The following MED29 variants were observed in gnomAD, a reference collection of about 807,000 sequenced individuals.
MED29 encodes mediator of RNA polymerase II transcription subunit 29.
Under a neutral mutation model 22.0 loss-of-function variants are expected in MED29, and 14 were observed. The observed-to-expected ratio is 0.64, with a 90% CI of 0.42 to 0.99. The LOEUF (loss-of-function observed/expected upper bound fraction) is 0.99. Ranked by LOEUF, MED29 falls within the 50% of genes least tolerant of loss-of-function variation. The probability of loss-of-function intolerance (pLI) is 0.00; values close to 1 mark genes in which losing one functional copy is unlikely to be tolerated. For synonymous variants in MED29, 123 were observed against 107.8 expected, an observed-to-expected ratio of 1.14 and a Z score of -0.87; for missense variants, 241 against 253.7, an observed-to-expected ratio of 0.95 and a Z score of 0.34.
chr19:39,393,668 C>T (rs1568378490), intron 3 of MED29, 31 bp downstream of exon 3: 1 of 1,563,064 alleles, frequency 6.4e-7, no homozygotes, highest in South Asian at 1.1e-5. Context: ...GGGGTAACAA[C>T]AGCCGTGTCC....
intron 1 of MED29, among the ~76,000 whole-genome samples, chr19:39,392,192 C>A (rs1006999335): frequency 3.3e-5 from 5 of 152,110 alleles, no homozygotes; most frequent in African/African-American, 1.2e-4. Flanking sequence ...GAGGAGAGTA[C>A]TGGCTTATAC....
At position 39,399,250 on chromosome 19, in the gene MED29, T is replaced by G. The variant is rs1464659559; in HGVS notation, c.*1551T>G. The G allele has an allele frequency of 3.3e-5, 5 of 152,174 alleles. No individual in the cohort carries two copies. In the East Asian group the frequency reaches 9.6e-4, roughly 29 times the overall value. 9.4% of individuals were successfully genotyped at this position (152,174 alleles called of 1,614,324 possible). A position where few individuals can be genotyped will look rare whatever the true frequency, so the allele number is the denominator to read the frequency against. ...CCAAGTTGACACATAAAACTGACCA[T>G]CGGGCCGGGGGCGGTGGCTCACGCC... On this transcript the variant is annotated 3_prime_UTR_variant, in exon 4 of 4. Coordinates refer to ENST00000315588, the MANE Select transcript of MED29 (RefSeq NM_017592.4).
rs773621168 is a variant in MED29, at chr19:39,397,524, C to T, written c.428C>T (p.Thr143Ile). 3 of 1,612,696 alleles carry T rather than the reference C, an allele frequency of 1.9e-6. No homozygotes were observed. Among genetic ancestry groups the T allele is most frequent in the East Asian group, 2.2e-5 (1 of 44,878 alleles). Residue 143 changes from threonine (T) to isoleucine (I), a missense_variant, in exon 4 of 4, where the codon ACA (threonine) becomes ATA (isoleucine). Physicochemically the swap from Thr to Ile is moderately conservative, Grantham distance 89. Coordinates refer to ENST00000315588, the MANE Select transcript of MED29 (RefSeq NM_017592.4). The part of the protein sequence containing the change: ...SAKHSPTLVP[T>I]ATKPDAVQPD... ...AAGCACTCTCCAACGTTGGTGCCCA[C>T]AGCCACCAAGCCCGACGCAGTGCAG...
rs1417051498 is a variant in MED29, at chr19:39,399,165, A to C, written c.*1466A>C. On this transcript the variant is annotated 3_prime_UTR_variant, in exon 4 of 4. Coordinates refer to ENST00000315588, the MANE Select transcript of MED29 (RefSeq NM_017592.4). ...CTGATTATGGACTTTAATCACATCTACAAAACACTTCCATGGCGACAGCTA... is the reference window on the plus strand; with the variant it reads ...CTGATTATGGACTTTAATCACATCTCCAAAACACTTCCATGGCGACAGCTA... 6.6e-6 allele frequency: 1 copy of C among 152,256 alleles called. No individual in the cohort carries two copies. The highest frequency in any genetic ancestry group is 1.9e-4 in the East Asian group (1 of 5,204). The allele number at this position is 152,256 out of a possible 1,614,324, so 9.4% of individuals were successfully genotyped here. A position where few individuals can be genotyped will look rare whatever the true frequency, so the allele number is the denominator to read the frequency against.
chr19:39,391,390 C>T lies in MED29; in HGVS notation c.-33C>T, dbSNP rs754293893. 5 of 1,606,502 alleles carry T rather than the reference C, an allele frequency of 3.1e-6. No homozygotes were observed. The highest frequency in any genetic ancestry group is 3.4e-6 in the Non-Finnish European group (4 of 1,174,048). On this transcript the variant is annotated 5_prime_UTR_variant, in exon 1 of 4. Transcript: ENST00000315588. ...GAAAAGCAACGGGGAGAGACGCAGTCGTAACGCACTTCCGGCGGTCTACGC... is the reference window on the plus strand; with the variant it reads ...GAAAAGCAACGGGGAGAGACGCAGTTGTAACGCACTTCCGGCGGTCTACGC...
At chr19:39,394,014 A>G (rs146813877) in intron 3 of MED29, among the ~76,000 whole-genome samples, 2 of 152,258 alleles carry the variant, frequency 1.3e-5, no homozygotes, top group East Asian at 3.9e-4. Flanking sequence ...GGCTACTGCT[A>G]GACAGCACAT....
chr19:39,393,734 C>T, intron 3 of MED29, 97 bp downstream of exon 3: 1 of 1,032,748 alleles, frequency 9.7e-7, no homozygotes, highest in Non-Finnish European at 1.5e-6. Flanking sequence ...CAACTGGGGA[C>T]CTCCTGTGGG....
chr19:39,393,538 T>A lies in MED29; in HGVS notation c.276-15T>A, dbSNP rs149645937. On this transcript the variant is annotated splice_polypyrimidine_tract_variant and intron_variant, in intron 2 of 3. Transcript: ENST00000315588. ...GAAATCAATTCTTCAGACATCCTTT[T>A]TTCCTTGTCTGTAGAAAGAGCAGTG... The A allele has an allele frequency of 6.2e-7, 1 of 1,612,120 alleles. No homozygotes were observed. Among genetic ancestry groups the A allele is most frequent in the African/African-American group, 1.3e-5 (1 of 74,916 alleles).
intron 2 of MED29, chr19:39,392,931 G>C (rs968181292): frequency 5.9e-6 from 1 of 170,848 alleles, no homozygotes; most frequent in Non-Finnish European, 1.2e-5. Context: ...TTGTTGTTTT[G>C]TAGAGACAGG....
At chr19:39,395,866 G>A (rs1224731220) in intron 3 of MED29, among the ~76,000 whole-genome samples, 2 of 151,694 alleles carry the variant, frequency 1.3e-5, no homozygotes, top group East Asian at 1.9e-4. Flanking sequence ...GCAGTGAGCC[G>A]AGATCGCACC....
chr19:39,397,512 C>A lies in MED29; in HGVS notation c.416C>A (p.Thr139Lys). Residue 139 changes from threonine to lysine, a missense_variant, in exon 4 of 4, where the codon ACG becomes AAG. Physicochemically the swap from Thr to Lys is moderately conservative, Grantham distance 78. Transcript: ENST00000315588. ...QSCDSAKHSP[T>K]LVPTATKPDA... ...TGTGACAGTGCCAAGCACTCTCCAA[C>A]GTTGGTGCCCACAGCCACCAAGCCC... The A allele has an allele frequency of 6.2e-7, 1 of 1,611,976 alleles. No individual in the cohort carries two copies. The highest frequency in any genetic ancestry group is 8.5e-7 in the Non-Finnish European group (1 of 1,180,002).
In MED29 at chr19:39,397,888, C is replaced by G; in HGVS notation, c.*189C>G. The G allele has an allele frequency of 1.1e-6, 1 of 899,394 alleles. No homozygotes were observed. The highest frequency in any genetic ancestry group is 2.7e-5 in the East Asian group (1 of 37,490). 55.7% of individuals were successfully genotyped at this position (899,394 alleles called of 1,614,324 possible). A position where few individuals can be genotyped will look rare whatever the true frequency, so the allele number is the denominator to read the frequency against. On this transcript the variant is annotated 3_prime_UTR_variant, in exon 4 of 4. Transcript: ENST00000315588. Reference sequence around the variant, plus strand: ...GCCCCTGCGTCCCTGCCCCTTCTTCCTGCTCCCCCTCCTAGCCTAGGGTAG... The same window carrying G: ...GCCCCTGCGTCCCTGCCCCTTCTTCGTGCTCCCCCTCCTAGCCTAGGGTAG...
At chr19:39,393,518 C>T in intron 2 of MED29, 35 bp from the exon 3 acceptor site, 1 of 1,592,104 alleles carries the variant, frequency 6.3e-7, no homozygotes, top group Admixed American at 1.7e-5. Flanking sequence ...GATTAGAAAT[C>T]AATTCTTCAG....
chr19:39,391,577 A>C lies in MED29; in HGVS notation c.155A>C (p.Gln52Pro), dbSNP rs1356688952. 6.2e-7 allele frequency: 1 copy of C among 1,613,426 alleles called. No homozygotes were observed. The highest frequency in any genetic ancestry group is 8.5e-7 in the Non-Finnish European group (1 of 1,179,770). The change falls in exon 1 of 4, where the codon CAG becomes CCG. Residue 52 changes from glutamine (Q) to proline (P), a missense_variant. By Grantham distance (76) the Gln-to-Pro change is moderately conservative. Coordinates refer to ENST00000315588, the MANE Select transcript of MED29 (RefSeq NM_017592.4). ...AGCGGCCTCCTGCAGCAACAGCAACAGGACTTCGATCCTGTGCAGCGTTAT... is the reference window on the plus strand; with the variant it reads ...AGCGGCCTCCTGCAGCAACAGCAACCGGACTTCGATCCTGTGCAGCGTTAT... ...AQSGLLQQQQ[Q>P]DFDPVQRYKM...
chr19:39,397,198 C>T (rs2078433332), intron 3 of MED29, among the ~76,000 whole-genome samples: 2 of 152,184 alleles, frequency 1.3e-5, no homozygotes, highest in Non-Finnish European at 2.9e-5. Flanking sequence ...GTGTCTCATA[C>T]ACCTGCTCTC....
intron 2 of MED29, among the ~76,000 whole-genome samples, chr19:39,393,096 T>C (rs1325844136): frequency 2.8e-5 from 3 of 107,632 alleles, no homozygotes; most frequent in East Asian, 2.6e-4. Flanking sequence ...TTTTTTTTTT[T>C]TTTTTTTTTT....
At chr19:39,397,105 C>T (rs2078432799) in intron 3 of MED29, among the ~76,000 whole-genome samples, 3 of 152,066 alleles carry the variant, frequency 2.0e-5, no homozygotes, top group Admixed American at 2.0e-4. Context: ...CCACTGCCAA[C>T]ACCAGGCCTG....
intron 3 of MED29, 89 bp from the exon 4 acceptor site, chr19:39,397,368 C>T: frequency 7.0e-7 from 1 of 1,435,544 alleles, no homozygotes; most frequent in Non-Finnish European, 9.5e-7. Flanking sequence ...AATCCAGAGG[C>T]CAAGCCGACA....
intron 1 of MED29, 34 bp downstream of exon 1, chr19:39,391,672 A>C (rs2078381190): frequency 6.5e-7 from 1 of 1,545,068 alleles, no homozygotes; most frequent in Non-Finnish European, 8.7e-7. Context: ...AGCAAACTGG[A>C]TTTGGTAGTC....
Sources: gnomAD v4.1 joint callset for allele counts (sites outside exome capture counted in the v4.1 genomes callset) on GRCh38, gnomAD v4.1.1 for gene constraint, MANE v1.5 for transcripts, NCBI Gene and HGNC (gene_info 2026-07-23, HGNC 2026-07-21) for gene names.